Variants in PAK5 observed in about 807,000 individuals in gnomAD.
The protein encoded by PAK5 is p21 (RAC1) activated kinase 5.
In PAK5, 16 loss-of-function variants were observed where a neutral mutation model predicts 65.9. The ratio of observed to expected loss-of-function variants is 0.24; its 90% CI spans 0.16 to 0.37. The LOEUF (loss-of-function observed/expected upper bound fraction) is 0.37. Ranked by LOEUF, PAK5 falls within the 10% of genes least tolerant of loss-of-function variation. The probability of loss-of-function intolerance (pLI) is 1.00; values close to 1 mark genes in which losing one functional copy is unlikely to be tolerated. For missense variants in PAK5, 785 were observed against 903.9 expected (o/e 0.87, Z 1.69); for synonymous variants, 371 against 354.9 (o/e 1.05, Z -0.51).
At position 9,541,722 on chromosome 20, in the gene PAK5, C is replaced by A. The variant is rs142622449; in HGVS notation, c.2004+864G>T. On this transcript the variant is annotated intron_variant, in intron 9 of 9. Transcript: ENST00000353224. Reference sequence around the variant, plus strand: ...CAGTGATAGGGTTTGGCTCTCTGTGCCCACTCAAATCTCACCTCATATTGT... The same window carrying A: ...CAGTGATAGGGTTTGGCTCTCTGTGACCACTCAAATCTCACCTCATATTGT... Among the ~76,000 whole-genome samples, 82 of 152,278 alleles carry A rather than the reference C, an allele frequency of 5.4e-4. No individual in the cohort carries two copies. In the East Asian group the frequency reaches 0.015, roughly 28 times the overall value.
intron 1 of PAK5, among the ~76,000 whole-genome samples, chr20:9,784,734 A>G (rs1216012425): frequency 6.6e-6 from 1 of 152,078 alleles, no homozygotes; most frequent in Non-Finnish European, 1.5e-5. Context: ...AAGACATCAG[A>G]CATAGATGGA....
chr20:9,797,469 G>A (rs1600385381), intron 1 of PAK5, among the ~76,000 whole-genome samples: 1 of 144,264 alleles, frequency 6.9e-6, no homozygotes, highest in Non-Finnish European at 1.5e-5. Flanking sequence ...ACACAGGAAG[G>A]GGAACATCAC....
chr20:9,691,326 G>GACACTCA (rs2047794564), intron 2 of PAK5, among the ~76,000 whole-genome samples: 1 of 152,116 alleles, frequency 6.6e-6, no homozygotes, highest in Non-Finnish European at 1.5e-5. Context: ...GACGGTGGTG[G>GACACTCA]GAGAGAGTGA....
chr20:9,746,501 G>C (rs2048509577), intron 1 of PAK5, among the ~76,000 whole-genome samples: 1 of 152,042 alleles, frequency 6.6e-6, no homozygotes, highest in Non-Finnish European at 1.5e-5. Flanking sequence ...AATGAATATT[G>C]GCATATTTGG....
At chr20:9,695,601 G>A (rs1814638309) in intron 2 of PAK5, among the ~76,000 whole-genome samples, 1 of 151,946 alleles carries the variant, frequency 6.6e-6, no homozygotes, top group African/African-American at 2.4e-5. Flanking sequence ...AAGGAACTAA[G>A]GTAAATTTGG....
intron 1 of PAK5, among the ~76,000 whole-genome samples, chr20:9,814,285 G>A (rs1217255923): frequency 1.3e-5 from 2 of 152,086 alleles, no homozygotes; most frequent in Non-Finnish European, 2.9e-5. Context: ...TGAAATTATG[G>A]GCATTTTTGT....
intron 2 of PAK5, among the ~76,000 whole-genome samples, chr20:9,671,747 C>T (rs1249335432): frequency 6.6e-6 from 1 of 150,452 alleles, no homozygotes; most frequent in Non-Finnish European, 1.5e-5. Context: ...TCCTCTTTTC[C>T]TAATTGAATG....
chr20:9,640,615 C>T (rs946296604), intron 3 of PAK5, among the ~76,000 whole-genome samples: 7 of 152,198 alleles, frequency 4.6e-5, no homozygotes, highest in Admixed American at 1.3e-4. Flanking sequence ...AGAATGAAGC[C>T]GCGGACCCTC....
At chr20:9,679,047 C>A (rs1250833807) in intron 2 of PAK5, among the ~76,000 whole-genome samples, 1 of 152,182 alleles carries the variant, frequency 6.6e-6, no homozygotes, top group Non-Finnish European at 1.5e-5. Flanking sequence ...ACCCCTGAGA[C>A]AGCAAGACCA....
At chr20:9,802,910 G>GTGTA (rs142279832) in intron 1 of PAK5, among the ~76,000 whole-genome samples, 3 of 46,378 alleles carry the variant, frequency 6.5e-5, no homozygotes, top group African/African-American at 2.4e-4. Context: ...ATATGTATGT[G>GTGTA]TATATATATA....
chr20:9,755,226 C>G (rs1392421072), intron 1 of PAK5, among the ~76,000 whole-genome samples: 1 of 152,162 alleles, frequency 6.6e-6, no homozygotes, highest in African/African-American at 2.4e-5. Flanking sequence ...CAGAAATATC[C>G]TGCATATGCA....
intron 7 of PAK5, among the ~76,000 whole-genome samples, chr20:9,549,205 C>T (rs1023276415): frequency 6.6e-6 from 1 of 152,012 alleles, no homozygotes; most frequent in African/African-American, 2.4e-5. Flanking sequence ...TGTCAGGTCC[C>T]GGCCTCCTTA....
chr20:9,832,076 T>C (rs1978764263), intron 1 of PAK5, among the ~76,000 whole-genome samples: 1 of 152,060 alleles, frequency 6.6e-6, no homozygotes. Flanking sequence ...TAGTCTGTTA[T>C]CTTGGGACCT....
At chr20:9,806,132 TTTTA>T (rs34085540) in intron 1 of PAK5, among the ~76,000 whole-genome samples, 1 of 145,974 alleles carries the variant, frequency 6.9e-6, no homozygotes, top group Non-Finnish European at 1.5e-5. Flanking sequence ...GCCCAGCTAA[TTTTA>T]TTTATTTATT....
chr20:9,696,893 A>G (rs2047876998), intron 2 of PAK5, among the ~76,000 whole-genome samples: 1 of 152,084 alleles, frequency 6.6e-6, no homozygotes, highest in Non-Finnish European at 1.5e-5. Context: ...TTCTCATTGC[A>G]GTATCCCCAG....
intron 1 of PAK5, among the ~76,000 whole-genome samples, chr20:9,796,617 T>C (rs1475147056): frequency 6.6e-6 from 1 of 152,110 alleles, no homozygotes. Context: ...ACGATCACTC[T>C]TACTGCTGCA....
intron 1 of PAK5, among the ~76,000 whole-genome samples, chr20:9,734,128 C>A (rs895081315): frequency 3.9e-5 from 6 of 152,160 alleles, no homozygotes; most frequent in African/African-American, 1.4e-4. Flanking sequence ...GTTAACTCTA[C>A]TGTGGGCTTG....
intron 2 of PAK5, among the ~76,000 whole-genome samples, chr20:9,644,559 C>T (rs142478073): frequency 6.5e-4 from 99 of 152,122 alleles, no homozygotes; most frequent in African/African-American, 2.2e-3. Context: ...ATGATAGTTC[C>T]CTGCCCCATT....
chr20:9,608,503 A>T (rs187481662), intron 3 of PAK5, among the ~76,000 whole-genome samples: 209 of 152,336 alleles, frequency 1.4e-3, no homozygotes, highest in Non-Finnish European at 2.5e-3. Context: ...GTAATCCTCC[A>T]TTGTCTCTAG....
Sources: gnomAD v4.1 joint callset for allele counts (sites outside exome capture counted in the v4.1 genomes callset) on GRCh38, gnomAD v4.1.1 for gene constraint, MANE v1.5 for transcripts, NCBI Gene and HGNC (gene_info 2026-07-23, HGNC 2026-07-21) for gene names.